Variants in PRKCE observed in about 807,000 individuals in gnomAD.
The protein encoded by PRKCE is protein kinase C epsilon type.
PRKCE carries 16 observed loss-of-function variants against 85.4 expected under a neutral mutation model. That is an observed-to-expected ratio of 0.19 (90% CI 0.13 to 0.28). PRKCE has a LOEUF of 0.28. Ranked by LOEUF, PRKCE falls within the 10% of genes least tolerant of loss-of-function variation. The pLI is 1.00. For missense variants in PRKCE, 573 were observed against 975.2 expected (o/e 0.59, Z 5.49); for synonymous variants, 388 against 371.5 (o/e 1.04, Z -0.51).
chr2:46,060,834 T>C (rs564085632), intron 10 of PRKCE, among the ~76,000 whole-genome samples: 27 of 151,624 alleles, frequency 1.8e-4, no homozygotes, highest in South Asian at 4.2e-4. Context: ...CGATATCAGC[T>C]CATTGCAACC....
At chr2:45,952,845 A>G (rs1309043161) in intron 2 of PRKCE, among the ~76,000 whole-genome samples, 3 of 152,246 alleles carry the variant, frequency 2.0e-5, no homozygotes, top group Non-Finnish European at 2.9e-5. Flanking sequence ...TTAAAAGTCT[A>G]TTAGACAACC....
At chr2:45,787,493 A>T (rs1269056251) in intron 1 of PRKCE, among the ~76,000 whole-genome samples, 1 of 152,134 alleles carries the variant, frequency 6.6e-6, no homozygotes, top group Non-Finnish European at 1.5e-5. Context: ...GGGGAAGTTC[A>T]GTTGTAGGCA....
chr2:45,801,491 C>G (rs931555459), intron 1 of PRKCE, among the ~76,000 whole-genome samples: 11 of 133,864 alleles, frequency 8.2e-5, no homozygotes, highest in African/African-American at 3.4e-4. Flanking sequence ...AGGACTCAGT[C>G]ATCAGTGAGT....
intron 1 of PRKCE, among the ~76,000 whole-genome samples, chr2:45,704,143 G>A (rs1309520483): frequency 6.6e-6 from 1 of 152,138 alleles, no homozygotes; most frequent in Admixed American, 6.5e-5. Context: ...AGCATATAGT[G>A]GAATTATTAG....
At chr2:45,675,426 A>ACACTGTCATTTATACATAAATG (rs1676387756) in intron 1 of PRKCE, 1 of 152,230 alleles carries the variant, frequency 6.6e-6, no homozygotes, top group Non-Finnish European at 1.5e-5. Flanking sequence ...GGAGATGAAT[A>ACACTGTCATTTATACATAAATG]CACTGTCATT....
At chr2:45,826,313 G>T (rs1689935815) in intron 1 of PRKCE, among the ~76,000 whole-genome samples, 1 of 152,178 alleles carries the variant, frequency 6.6e-6, no homozygotes, top group African/African-American at 2.4e-5. Flanking sequence ...TAAATATTCT[G>T]TATGTTACAT....
At chr2:46,146,970 T>C (rs1023315236) in intron 12 of PRKCE, among the ~76,000 whole-genome samples, 2 of 152,098 alleles carry the variant, frequency 1.3e-5, no homozygotes, top group African/African-American at 4.8e-5. Context: ...CCTAGTCAGA[T>C]CCATCCCAGG....
At chr2:46,058,017 T>C (rs565112611) in intron 10 of PRKCE, among the ~76,000 whole-genome samples, 1 of 152,324 alleles carries the variant, frequency 6.6e-6, no homozygotes, top group South Asian at 2.1e-4. Context: ...TACCTCCTAA[T>C]TCAGTTTCCT....
At chr2:46,010,884 T>C in intron 10 of PRKCE, 1 of 1,491,100 alleles carries the variant, frequency 6.7e-7, no homozygotes, top group South Asian at 1.3e-5. Context: ...TATTTTCATG[T>C]CATATGAAAA....
At chr2:46,074,133 C>T (rs1212379060) in intron 10 of PRKCE, 8 of 152,102 alleles carry the variant, frequency 5.3e-5, no homozygotes, top group Non-Finnish European at 1.2e-4. Context: ...GGGTCAGCTT[C>T]CTGGCCTGAT....
At chr2:45,729,740 A>G (rs1681404968) in intron 1 of PRKCE, among the ~76,000 whole-genome samples, 1 of 152,182 alleles carries the variant, frequency 6.6e-6, no homozygotes, top group Admixed American at 6.5e-5. Context: ...AGTGTAATGG[A>G]TGATGAGCCT....
chr2:45,858,766 T>G (rs1692889892), intron 2 of PRKCE, among the ~76,000 whole-genome samples: 1 of 152,068 alleles, frequency 6.6e-6, no homozygotes, highest in Non-Finnish European at 1.5e-5. Context: ...TCAGGCCGGG[T>G]GCGGTGGCTC....
chr2:45,780,118 C>G (rs1686066246), intron 1 of PRKCE, among the ~76,000 whole-genome samples: 1 of 152,148 alleles, frequency 6.6e-6, no homozygotes, highest in South Asian at 2.1e-4. Flanking sequence ...TTAAAGAAAC[C>G]TGTATTCTTT....
At chr2:45,997,545 TTTTA>T (rs1446428949) in intron 6 of PRKCE, among the ~76,000 whole-genome samples, 1 of 151,962 alleles carries the variant, frequency 6.6e-6, no homozygotes, top group Non-Finnish European at 1.5e-5. Context: ...TTTATTTTTA[TTTTA>T]TTTATTTATT....
At chr2:45,690,480 T>A (rs983210534) in intron 1 of PRKCE, among the ~76,000 whole-genome samples, 7 of 152,354 alleles carry the variant, frequency 4.6e-5, no homozygotes, top group Admixed American at 1.3e-4. Context: ...GAGACAGGCC[T>A]CTTGCATTGT....
In PRKCE at chr2:45,665,916, C is replaced by T. The variant is rs184394271; in HGVS notation, c.348+13468C>T. ...TCCCTGTGAGGGCAGAGGAGGGAAA[C>T]GTAGCCTCTTGTTAAAATAATTCCA... On this transcript the variant is annotated intron_variant, in intron 1 of 14. Transcript: ENST00000306156. 1.3e-3 allele frequency among the ~76,000 whole-genome samples: 196 copies of T among 152,210 alleles called. 1 individual carries two copies. Among genetic ancestry groups the T allele is most frequent in the South Asian group, 4.1e-4 (2 of 4,826 alleles).
chr2:46,089,851 A>G (rs1018199889), intron 11 of PRKCE, among the ~76,000 whole-genome samples: 2 of 152,002 alleles, frequency 1.3e-5, no homozygotes, highest in African/African-American at 2.4e-5. Context: ...AGGCACTCCA[A>G]ATTACTTGCC....
intron 1 of PRKCE, among the ~76,000 whole-genome samples, chr2:45,731,527 A>G (rs1299926207): frequency 6.6e-6 from 1 of 152,166 alleles, no homozygotes. Context: ...CATGAGAGAA[A>G]GAGACTCAGA....
intron 2 of PRKCE, among the ~76,000 whole-genome samples, chr2:45,888,347 A>G (rs1695449744): frequency 6.6e-6 from 1 of 152,070 alleles, no homozygotes; most frequent in Non-Finnish European, 1.5e-5. Context: ...TACTATGCTA[A>G]TGTTTGTTGT....
Sources: allele counts gnomAD v4.1 joint callset (sites outside exome capture counted in the v4.1 genomes callset), GRCh38; gene constraint gnomAD v4.1.1; transcripts MANE v1.5; gene names NCBI Gene and HGNC (gene_info 2026-07-23, HGNC 2026-07-21).